SP6: variants seen among roughly 807,000 people sequenced by gnomAD.
SP6 encodes Sp6 transcription factor.
In SP6, 10 loss-of-function variants were observed where a neutral mutation model predicts 23.4. That is an observed-to-expected ratio of 0.43 (90% CI 0.26 to 0.72). The LOEUF (loss-of-function observed/expected upper bound fraction) is 0.72. Among genes scored for constraint, SP6 ranks in the 30% least tolerant of loss-of-function variants. The pLI is 0.23. For synonymous variants in SP6, 238 were observed against 238.7 expected, an observed-to-expected ratio of 1.00 and a Z score of 0.03; for missense variants, 482 against 523.8, an observed-to-expected ratio of 0.92 and a Z score of 0.78.
the SP6 span, among the ~76,000 whole-genome samples, chr17:47,875,654 A>G: frequency 2.0e-5 from 3 of 152,240 alleles, no homozygotes; most frequent in Non-Finnish European, 1.5e-5. Context: ...CGTCTGGAAG[A>G]ACCTCTTTTT....
At position 47,847,260 on chromosome 17, in the gene SP6, G is replaced by C. The variant is rs1237821773; in HGVS notation, c.*39C>G. On this transcript the variant is annotated 3_prime_UTR_variant, in exon 2 of 2. Transcript: ENST00000536300. ...TCAGACCTGGGGGCTCGCATCCAGT[G>C]CCCCCCGGGATACCCGCAGGGAGGC... 6 of 1,465,742 alleles carry C rather than the reference G, an allele frequency of 4.1e-6. No homozygotes were observed. In the South Asian group the frequency reaches 8.4e-5, roughly 21 times the overall value. 90.8% of individuals were successfully genotyped at this position (1,465,742 alleles called of 1,614,324 possible). A position where few individuals can be genotyped will look rare whatever the true frequency, so the allele number is the denominator to read the frequency against.
upstream of SP6, among the ~76,000 whole-genome samples, chr17:47,851,831 G>A (rs554460042): frequency 1.3e-5 from 2 of 150,834 alleles, no homozygotes; most frequent in South Asian, 4.2e-4. Flanking sequence ...ACCTTTCTGG[G>A]TGACCACCTC....
chr17:47,848,319 G>A lies in SP6; in HGVS notation c.111C>T (p.Ser37=), dbSNP rs1307749048. 3 of 1,610,664 alleles carry A rather than the reference G, an allele frequency of 1.9e-6. No homozygotes were observed. Among genetic ancestry groups the A allele is most frequent in the African/African-American group, 1.3e-5 (1 of 74,976 alleles). Residue 37 remains serine, a synonymous_variant, in exon 2 of 2, where the codon AGC becomes AGT. Coordinates refer to ENST00000536300, the MANE Select transcript of SP6 (RefSeq NM_001258248.2). This position sits in a 1 kb window ranked among gnomAD's most constrained non-coding sequence, Gnocchi z 5.3. The part of the protein sequence containing the change: ...QPLQTYQGHT[S]PEAGDYPSPL... The stretch of plus-strand genomic sequence containing the variant: ...GGGAGGGGTAGTCCCCGGCCTCAGG[G>A]CTCGTGTGGCCCTGGTAAGTTTGGA...
upstream of SP6, among the ~76,000 whole-genome samples, chr17:47,852,264 A>G (rs1267135843): frequency 6.6e-6 from 1 of 152,050 alleles, no homozygotes; most frequent in Non-Finnish European, 1.5e-5. Flanking sequence ...GGAGCTCACA[A>G]AAACTTCCCT....
rs1173860624 is a variant in SP6 at position 47,847,478 on chromosome 17, C to A, written c.952G>T (p.Val318Phe). 1 of 1,613,770 alleles carries A rather than the reference C, an allele frequency of 6.2e-7. No homozygotes were observed. The highest frequency in any genetic ancestry group is 8.5e-7 in the Non-Finnish European group (1 of 1,179,948). Residue 318 changes from valine (V) to phenylalanine (F), a missense_variant, in exon 2 of 2, where the codon GTC (valine) becomes TTC (phenylalanine). Val to Phe is a conservative substitution (Grantham distance 50). Around this residue, in one of 3 missense-constraint regions of SP6, gnomAD observed 101 missense variants for 99.3 expected, o/e 1.02. Coordinates refer to ENST00000536300, the MANE Select transcript of SP6 (RefSeq NM_001258248.2). ...CTGCGCATGAAGACGCGGCTGCAGACTGCACAGGGGAACTTCTTGGTGCCG... is the reference window on the plus strand; with the variant it reads ...CTGCGCATGAAGACGCGGCTGCAGAATGCACAGGGGAACTTCTTGGTGCCG... ...HTGTKKFPCA[V>F]CSRVFMRSDH...
chr17:47,850,604 G>A (rs1598060975), intron 1 of SP6, among the ~76,000 whole-genome samples: 1 of 152,344 alleles, frequency 6.6e-6, no homozygotes, highest in East Asian at 1.9e-4. Context: ...GCTCCCCGAA[G>A]TGGGAAGGCA....
In SP6 at chr17:47,847,066, G is replaced by A; in HGVS notation, c.*233C>T. The A allele has an allele frequency of 1.8e-6, 1 of 559,042 alleles. No homozygotes were observed. Among genetic ancestry groups the A allele is most frequent in the Non-Finnish European group, 3.1e-6 (1 of 318,892 alleles). 34.6% of individuals were successfully genotyped at this position (559,042 alleles called of 1,614,324 possible). A position where few individuals can be genotyped will look rare whatever the true frequency, so the allele number is the denominator to read the frequency against. ...GCGAGGGAAACTGTGAGGCAGGGGA[G>A]AACAGAGGGGCATTGCGCAGCTCCT... On this transcript the variant is annotated 3_prime_UTR_variant, in exon 2 of 2. Transcript: ENST00000536300.
At chr17:47,851,939 A>C (rs2033961196), upstream of SP6, among the ~76,000 whole-genome samples, 1 of 150,936 alleles carries the variant, frequency 6.6e-6, no homozygotes, top group Non-Finnish European at 1.5e-5. Context: ...CCCTCCCCTT[A>C]GGTAGCAACC....
chr17:47,868,145 C>G, the SP6 span, among the ~76,000 whole-genome samples: 91 of 152,310 alleles, frequency 6.0e-4, no homozygotes, highest in African/African-American at 2.1e-3. Context: ...AGCAGGCACA[C>G]CCCACTCACT....
At position 47,847,634 on chromosome 17, in the gene SP6, C is replaced by CGTA; in HGVS notation, c.793_795dup (p.Tyr265dup). ...TGCGCCTTCAGGTGCGACGTCTTGG[C>CGTA]GTAGGCTTTCCCGCAGCCCGGGATG... On this transcript the variant is annotated inframe_insertion, in exon 2 of 2. Transcript: ENST00000536300. 6.2e-7 allele frequency: 1 copy of CGTA among 1,613,322 alleles called. No individual in the cohort carries two copies. Among genetic ancestry groups the CGTA allele is most frequent in the Non-Finnish European group, 8.5e-7 (1 of 1,179,852 alleles).
At chr17:47,857,937 C>T (rs1484800674), upstream of SP6, among the ~76,000 whole-genome samples, 2 of 152,132 alleles carry the variant, frequency 1.3e-5, no homozygotes, top group South Asian at 4.2e-4. Context: ...GCCACCTCCC[C>T]CAACTCCAGC....
chr17:47,861,585 T>C, the SP6 span, among the ~76,000 whole-genome samples: 1 of 151,990 alleles, frequency 6.6e-6, no homozygotes, highest in Non-Finnish European at 1.5e-5. Context: ...ATACAAAAAT[T>C]AGCCAGGCAT....
the SP6 span, among the ~76,000 whole-genome samples, chr17:47,864,042 C>T: frequency 7.3e-6 from 1 of 137,876 alleles, no homozygotes; most frequent in Admixed American, 7.7e-5. Context: ...TGGGGTTTCA[C>T]CATGTTGGTC....
the SP6 span, among the ~76,000 whole-genome samples, chr17:47,871,833 C>A: frequency 6.6e-6 from 1 of 152,126 alleles, no homozygotes; most frequent in East Asian, 1.9e-4. Flanking sequence ...GTTGCCCAGG[C>A]TGGTTTTGAA....
chr17:47,858,551 C>G (rs2034013879), upstream of SP6, among the ~76,000 whole-genome samples: 1 of 152,024 alleles, frequency 6.6e-6, no homozygotes, highest in Non-Finnish European at 1.5e-5. Context: ...GAAGAAAGAG[C>G]CTAAAATGGT....
At chr17:47,875,089 T>G in the SP6 span, among the ~76,000 whole-genome samples, 3 of 125,990 alleles carry the variant, frequency 2.4e-5, no homozygotes, top group Admixed American at 7.5e-5. Context: ...CCCGGCTTCT[T>G]CTCTTCTCAG....
upstream of SP6, among the ~76,000 whole-genome samples, chr17:47,856,151 C>T (rs2033997342): frequency 6.6e-6 from 1 of 152,122 alleles, no homozygotes; most frequent in African/African-American, 2.4e-5. Flanking sequence ...ACACACACAC[C>T]ACACGTCTTC....
upstream of SP6, among the ~76,000 whole-genome samples, chr17:47,859,909 T>A (rs2034023848): frequency 6.6e-6 from 1 of 152,060 alleles, no homozygotes; most frequent in African/African-American, 2.4e-5. Context: ...TGGCTGGGTG[T>A]CAGTCACGGA....
Position 47,847,735 on chromosome 17 carries a change from T to C in SP6, c.695A>G (p.Asn232Ser), listed in dbSNP as rs1049721304. Residue 232 changes from asparagine to serine, a missense_variant, in exon 2 of 2, where the codon AAC becomes AGC. Transcript: ENST00000536300. ...SSGQTVCRCPNCLEAERLGAP... is the reference protein window; with the variant it reads ...SSGQTVCRCPSCLEAERLGAP... ...CCCCAGTCGCTCCGCCTCCAGACAG[T>C]TGGGGCAGCGACAGACGGTCTGGCC... is the stretch of plus-strand genomic sequence containing the variant. 1.3e-6 allele frequency: 2 copies of C among 1,591,058 alleles called. No homozygotes were observed. Among genetic ancestry groups the C allele is most frequent in the South Asian group, 1.1e-5 (1 of 88,018 alleles).
Sources: allele counts gnomAD v4.1 joint callset (sites outside exome capture counted in the v4.1 genomes callset), GRCh38; gene constraint gnomAD v4.1.1; regional missense constraint gnomAD v4.1.1; non-coding constraint Gnocchi (gnomAD v3.1); transcripts MANE v1.5; gene names NCBI Gene and HGNC (gene_info 2026-07-23, HGNC 2026-07-21).